Variants in AFF2 observed in about 807,000 individuals in gnomAD.
AFF2 encodes the protein ALF transcription elongation factor 2, also known as AF4/FMR2 family member 2.
Under a neutral mutation model 76.9 loss-of-function variants are expected in AFF2, and 14 were observed. The observed-to-expected ratio is 0.18, with a 90% CI of 0.12 to 0.28. The LOEUF (loss-of-function observed/expected upper bound fraction) is 0.28. Ranked by LOEUF, AFF2 falls within the 10% of genes least tolerant of loss-of-function variation. AFF2 has a pLI of 1.00. For missense variants in AFF2, 868 were observed against 1,001.1 expected (o/e 0.87, Z 1.79); for synonymous variants, 398 against 366.7 (o/e 1.09, Z -0.98).
intron 5 of AFF2, among the ~76,000 whole-genome samples, chrX:148,839,671 A>G (rs1324762736): frequency 3.6e-5 from 4 of 111,604 alleles, no homozygotes; most frequent in African/African-American, 6.5e-5. Flanking sequence ...ATATGTAACA[A>G]AGGTGATTTC....
chrX:148,580,575 A>C (rs186162858), intron 1 of AFF2, among the ~76,000 whole-genome samples: 1 of 110,991 alleles, frequency 9.0e-6, no homozygotes, highest in African/African-American at 3.3e-5. Context: ...TCAAATAGTA[A>C]TTTGAAATAA....
chrX:148,921,394 C>T (rs1292281447), intron 9 of AFF2, among the ~76,000 whole-genome samples: 7 of 112,281 alleles, frequency 6.2e-5, no homozygotes, highest in Non-Finnish European at 1.3e-4. Flanking sequence ...GCCCTGTACC[C>T]GTTAAGCAGT....
chrX:148,524,097 T>TTCTC (rs374800530), intron 1 of AFF2, among the ~76,000 whole-genome samples: 796 of 78,195 alleles, frequency 0.01, 5 homozygotes, highest in Non-Finnish European at 0.014. Flanking sequence ...CTCTCTCTCT[T>TTCTC]TCTCTCTCTC....
chrX:148,950,588 ACTT>A (rs1286062062), intron 9 of AFF2, among the ~76,000 whole-genome samples: 2 of 111,742 alleles, frequency 1.8e-5, no homozygotes, highest in Non-Finnish European at 3.8e-5. Context: ...AAGCTGATGT[ACTT>A]CTTCTTGTTC....
chrX:148,591,532 A>G (rs1196006291), intron 1 of AFF2, among the ~76,000 whole-genome samples: 1 of 112,662 alleles, frequency 8.9e-6, no homozygotes, highest in Non-Finnish European at 1.9e-5. Flanking sequence ...TGCTTTAGAT[A>G]CCAAAAAGTG....
chrX:148,534,647 A>G (rs1381592317), intron 1 of AFF2, among the ~76,000 whole-genome samples: 3 of 112,477 alleles, frequency 2.7e-5, no homozygotes, highest in Non-Finnish European at 5.6e-5. Context: ...AATGTCTGGC[A>G]CAAAAAAAGA....
At chrX:148,676,845 G>A (rs782117824) in intron 3 of AFF2, among the ~76,000 whole-genome samples, 1 of 111,351 alleles carries the variant, frequency 9.0e-6, no homozygotes, top group Non-Finnish European at 1.9e-5. Context: ...TGGTTGGGAA[G>A]ACTCGGGGCT....
In AFF2 at chrX:148,993,831, A is replaced by G. The variant is rs781860959; in HGVS notation, c.*2499A>G. ...AAAGCAGCTTAGGAACTAATTAAAC[A>G]TGGAGGATGAATTACCTTCCTATCC... On this transcript the variant is annotated 3_prime_UTR_variant, in exon 21 of 21. Coordinates refer to ENST00000370460, the MANE Select transcript of AFF2 (RefSeq NM_002025.4). 2 of 112,255 alleles carry G rather than the reference A, an allele frequency of 1.8e-5. No individual in the cohort carries two copies. Among genetic ancestry groups the G allele is most frequent in the African/African-American group, 3.2e-5 (1 of 30,779 alleles). The allele number at this position is 112,255 out of a possible 1,213,427, so 9.3% of individuals were successfully genotyped here.
At chrX:148,545,008 C>A (rs2052903530) in intron 1 of AFF2, among the ~76,000 whole-genome samples, 1 of 112,209 alleles carries the variant, frequency 8.9e-6, no homozygotes, top group African/African-American at 3.2e-5. Flanking sequence ...AGAATCCCTT[C>A]TTCTATTTAT....
chrX:148,872,842 C>T (rs1479814247), intron 7 of AFF2, among the ~76,000 whole-genome samples: 1 of 111,535 alleles, frequency 9.0e-6, no homozygotes, highest in Non-Finnish European at 1.9e-5. Context: ...GGTCTCTAAT[C>T]CCATCATGAG....
intron 7 of AFF2, among the ~76,000 whole-genome samples, chrX:148,877,913 T>C (rs139421966): frequency 0.012 from 1,391 of 112,320 alleles, 25 homozygotes; most frequent in African/African-American, 0.042. Flanking sequence ...CCTTAATCAT[T>C]TGACAATTAG....
At chrX:148,894,161 C>A (rs1378841358) in intron 8 of AFF2, among the ~76,000 whole-genome samples, 5 of 111,538 alleles carry the variant, frequency 4.5e-5, no homozygotes, top group African/African-American at 1.3e-4. Flanking sequence ...ACATCTCAAG[C>A]AAAAGTTATA....
At chrX:148,563,575 G>A (rs1037854436) in intron 1 of AFF2, among the ~76,000 whole-genome samples, 1 of 111,716 alleles carries the variant, frequency 9.0e-6, no homozygotes, top group Non-Finnish European at 1.9e-5. Flanking sequence ...TGTGTTGAGC[G>A]GCCAAGAGGA....
intron 3 of AFF2, among the ~76,000 whole-genome samples, chrX:148,780,300 G>C (rs1477447849): frequency 9.0e-6 from 1 of 111,613 alleles, no homozygotes; most frequent in Non-Finnish European, 1.9e-5. Context: ...GCCTGTCTTT[G>C]TAGGTTGGGG....
In AFF2 at chrX:148,973,626, A is replaced by G. The variant is rs1425324589; in HGVS notation, c.3404+19A>G. 1.0e-5 allele frequency: 12 copies of G among 1,184,034 alleles called. No individual in the cohort carries two copies. The highest frequency in any genetic ancestry group is 3.6e-5 in the South Asian group (2 of 54,942). Reference sequence around the variant, plus strand: ...TCCTCAGGTGAATAGCCTTTCTGCAATCATCTTCCTACACTCATTTCAGCT... The same window carrying G: ...TCCTCAGGTGAATAGCCTTTCTGCAGTCATCTTCCTACACTCATTTCAGCT... On this transcript the variant is annotated intron_variant, in intron 16 of 20. Transcript: ENST00000370460.
At chrX:148,704,945 G>A (rs1274131635) in intron 3 of AFF2, among the ~76,000 whole-genome samples, 3 of 110,925 alleles carry the variant, frequency 2.7e-5, no homozygotes, top group Non-Finnish European at 5.7e-5. Context: ...GAGATTAGAA[G>A]CAAGAGCTAC....
intron 1 of AFF2, among the ~76,000 whole-genome samples, chrX:148,524,103 CTCTCTCTCTCTCTCTCTCTCTGTG>C (rs1557234891): frequency 5.5e-5 from 4 of 72,546 alleles, no homozygotes; most frequent in Non-Finnish European, 7.5e-5. Flanking sequence ...CTCTTTCTCT[CTCTCTCTCTCTCTCTCTCTCTGTG>C]TGTGTGTGTG....
At chrX:148,975,691 T>TCCCAGCA (rs2072312477) in intron 16 of AFF2, among the ~76,000 whole-genome samples, 1 of 109,137 alleles carries the variant, frequency 9.2e-6, no homozygotes, top group Admixed American at 9.9e-5. Context: ...ACGCCTGTAA[T>TCCCAGCA]CCCAGCACTT....
chrX:148,637,883 G>A (rs908465901), intron 1 of AFF2, among the ~76,000 whole-genome samples: 11 of 110,925 alleles, frequency 9.9e-5, no homozygotes, highest in African/African-American at 3.6e-4. Flanking sequence ...TGCTCCTTTG[G>A]ATAACTGGGG....
Sources: gnomAD v4.1 joint callset for allele counts (sites outside exome capture counted in the v4.1 genomes callset) on GRCh38, gnomAD v4.1.1 for gene constraint, MANE v1.5 for transcripts, NCBI Gene and HGNC (gene_info 2026-07-23, HGNC 2026-07-21) for gene names.